The following NXPE2 variants were observed in gnomAD, a reference collection of about 807,000 sequenced individuals.
NXPE2 encodes the protein neurexophilin and PC-esterase domain family member 2.
Under a neutral mutation model 34.4 loss-of-function variants are expected in NXPE2, and 34 were observed. The ratio of observed to expected loss-of-function variants is 0.99; its 90% confidence interval spans 0.75 to 1.31. The LOEUF (loss-of-function observed/expected upper bound fraction) is 1.31. Ranked by LOEUF, NXPE2 falls within the 40% of genes most tolerant of loss-of-function variation. The pLI, the probability that NXPE2 is intolerant of heterozygous loss-of-function variation, is 0.00. For synonymous variants in NXPE2, 235 were observed against 231.3 expected (o/e 1.02, Z -0.15); for missense variants, 649 against 672.5 (o/e 0.97, Z 0.39).
the NXPE2 span, chr11:114,528,729 G>A: frequency 1.1e-5 from 6 of 552,188 alleles, no homozygotes; most frequent in South Asian, 7.5e-5. Flanking sequence ...GAAAGTGGAG[G>A]AAGGAAGAAA....
the NXPE2 span, among the ~76,000 whole-genome samples, chr11:114,642,952 C>T: frequency 1.3e-5 from 2 of 152,104 alleles, no homozygotes; most frequent in African/African-American, 4.8e-5. Context: ...TAATGATCGC[C>T]ATTCTAACTG....
chr11:114,563,769 C>T, the NXPE2 span, among the ~76,000 whole-genome samples: 2 of 152,022 alleles, frequency 1.3e-5, no homozygotes, highest in African/African-American at 4.8e-5. Context: ...AACCACAGTG[C>T]AAACCACCTT....
the NXPE2 span, among the ~76,000 whole-genome samples, chr11:114,609,803 T>A: frequency 3.5e-4 from 53 of 151,564 alleles, no homozygotes; most frequent in African/African-American, 1.2e-3. Context: ...TGATGGATAA[T>A]AAGCATTGCC....
chr11:114,690,704 T>C (rs1437410692), intron 2 of NXPE2, among the ~76,000 whole-genome samples: 1 of 152,158 alleles, frequency 6.6e-6, no homozygotes, highest in Non-Finnish European at 1.5e-5. Flanking sequence ...TTACTCTCCC[T>C]TCTCGCTCAA....
the NXPE2 span, among the ~76,000 whole-genome samples, chr11:114,498,715 T>C: frequency 4.9e-4 from 75 of 152,248 alleles, no homozygotes; most frequent in African/African-American, 1.6e-3. Flanking sequence ...TTTTTAATCT[T>C]TGCAATTATT....
chr11:114,654,765 G>A, the NXPE2 span, among the ~76,000 whole-genome samples: 1 of 152,090 alleles, frequency 6.6e-6, no homozygotes, highest in Non-Finnish European at 1.5e-5. Context: ...ATTGTAAATA[G>A]TGCTGCAATA....
At chr11:114,712,289 A>G in the NXPE2 span, among the ~76,000 whole-genome samples, 1 of 152,190 alleles carries the variant, frequency 6.6e-6, no homozygotes, top group Non-Finnish European at 1.5e-5. Flanking sequence ...CAAACAAACA[A>G]ATGGGACTAC....
the NXPE2 span, among the ~76,000 whole-genome samples, chr11:114,534,508 A>G: frequency 6.6e-6 from 1 of 152,230 alleles, no homozygotes; most frequent in Admixed American, 6.5e-5. Context: ...GGAAGTTCGA[A>G]TCAATGGCAA....
chr11:114,632,274 T>C, the NXPE2 span, among the ~76,000 whole-genome samples: 1 of 139,128 alleles, frequency 7.2e-6, no homozygotes, highest in Non-Finnish European at 1.5e-5. Context: ...TATATGTATA[T>C]ATACTATATA....
At chr11:114,666,147 CCTT>C in the NXPE2 span, among the ~76,000 whole-genome samples, 1 of 152,142 alleles carries the variant, frequency 6.6e-6, no homozygotes, top group Non-Finnish European at 1.5e-5. Flanking sequence ...TTTCCACTGA[CCTT>C]CTCCTTCTCT....
the NXPE2 span, chr11:114,583,097 A>G: frequency 6.9e-7 from 1 of 1,440,248 alleles, no homozygotes; most frequent in African/African-American, 1.4e-5. Flanking sequence ...GAAGTGTAAC[A>G]TGCTATGAAA....
the NXPE2 span, among the ~76,000 whole-genome samples, chr11:114,550,247 A>AT: frequency 1.3e-5 from 2 of 152,202 alleles, no homozygotes; most frequent in African/African-American, 4.8e-5. Flanking sequence ...GTGAAAGAGA[A>AT]TAGTTACAAA....
the NXPE2 span, among the ~76,000 whole-genome samples, chr11:114,718,160 C>T: frequency 6.6e-6 from 1 of 152,158 alleles, no homozygotes; most frequent in Non-Finnish European, 1.5e-5. Flanking sequence ...GGAAACTGAG[C>T]TCTGAATAGC....
At chr11:114,576,152 A>G in the NXPE2 span, among the ~76,000 whole-genome samples, 1 of 152,148 alleles carries the variant, frequency 6.6e-6, no homozygotes, top group Admixed American at 6.6e-5. Context: ...AGCCACATAT[A>G]AAAGAATGAA....
rs1328768944 is a variant in NXPE2, at chr11:114,697,981, T to C, written c.133-64T>C. 11 of 1,356,320 alleles carry C rather than the reference T, an allele frequency of 8.1e-6. No individual in the cohort carries two copies. In the Admixed American group the frequency reaches 3.4e-4, roughly 42 times the overall value. The allele number at this position is 1,356,320 out of a possible 1,614,324, so 84.0% of individuals were successfully genotyped here. ...AAGATGTAAAATAAGCCATAATAATTTATATTGAAAAGCAAGCCCTATTGT... is the reference window on the plus strand; with the variant it reads ...AAGATGTAAAATAAGCCATAATAATCTATATTGAAAAGCAAGCCCTATTGT... On this transcript the variant is annotated intron_variant, in intron 2 of 5. Transcript: ENST00000389586.
the NXPE2 span, among the ~76,000 whole-genome samples, chr11:114,539,319 ATATACC>A: frequency 6.6e-6 from 1 of 151,844 alleles, no homozygotes; most frequent in African/African-American, 2.4e-5. Context: ...GCATTAGGAG[ATATACC>A]TATTGCTAAA....
chr11:114,508,404 G>A, the NXPE2 span, among the ~76,000 whole-genome samples: 2 of 152,074 alleles, frequency 1.3e-5, no homozygotes, highest in African/African-American at 2.4e-5. Flanking sequence ...TTTAAAATTT[G>A]TATGAAACCA....
the NXPE2 span, among the ~76,000 whole-genome samples, chr11:114,624,179 A>G: frequency 2.0e-5 from 3 of 152,090 alleles, no homozygotes; most frequent in Non-Finnish European, 4.4e-5. Context: ...ATGGTAGATA[A>G]TAACTATTGC....
the NXPE2 span, among the ~76,000 whole-genome samples, chr11:114,758,071 A>G: frequency 6.6e-6 from 1 of 152,348 alleles, no homozygotes; most frequent in Non-Finnish European, 1.5e-5. Context: ...CCCAGCCTCC[A>G]CAGGTGTAGA....
Sources: gnomAD v4.1 joint callset for allele counts (sites outside exome capture counted in the v4.1 genomes callset) on GRCh38, gnomAD v4.1.1 for gene constraint, MANE v1.5 for transcripts, NCBI Gene and HGNC (gene_info 2026-07-23, HGNC 2026-07-21) for gene names.